Variants in CEP63 observed in about 807,000 individuals in gnomAD.
CEP63 encodes centrosomal protein 63, also known as centrosomal protein of 63 kDa.
In CEP63, 84 loss-of-function variants were observed where a neutral mutation model predicts 89.1. That is an observed-to-expected ratio of 0.94 (90% CI 0.79 to 1.13). CEP63 has a LOEUF of 1.13. Among genes scored for constraint, CEP63 ranks in the 50% most tolerant of loss-of-function variants. The pLI is 0.00. For synonymous variants in CEP63, 267 were observed against 272.5 expected (o/e 0.98, Z 0.20); for missense variants, 838 against 813.3 (o/e 1.03, Z -0.37).
the CEP63 span, among the ~76,000 whole-genome samples, chr3:134,703,780 A>C: frequency 6.6e-6 from 1 of 152,218 alleles, no homozygotes; most frequent in African/African-American, 2.4e-5. Context: ...TGAACCCCTG[A>C]ACTTAAAAGT....
rs1559962518 is a variant in CEP63 at position 134,532,893 on chromosome 3, A to C, written c.434A>C (p.Lys145Thr). The change falls in exon 5 of 15, where the codon AAA becomes ACA. Residue 145 changes from lysine to threonine, a missense_variant. By Grantham distance (78) the Lys-to-Thr change is moderately conservative. Coordinates refer to ENST00000675561, the MANE Select transcript of CEP63 (RefSeq NM_001353108.3). The part of the protein sequence containing the change: ...DRSEIERLTA[K>T]IEEFRQKSLD... ...TCTGAAATTGAGAGGTTAACTGCAA[A>C]AATAGAGGTATGTTCATAGTAATAA... The C allele has an allele frequency of 3.1e-6, 5 of 1,613,656 alleles. No individual in the cohort carries two copies. Among genetic ancestry groups the C allele is most frequent in the Non-Finnish European group, 3.4e-6 (4 of 1,179,730 alleles).
At chr3:134,616,583 G>T in the CEP63 span, among the ~76,000 whole-genome samples, 4 of 152,296 alleles carry the variant, frequency 2.6e-5, no homozygotes, top group African/African-American at 9.6e-5. Context: ...CACATCTCAG[G>T]CAGTGTGAGG....
intron 1 of CEP63, 32 bp downstream of exon 1, chr3:134,486,234 C>T (rs1474577355): frequency 3.0e-6 from 3 of 985,426 alleles, no homozygotes; most frequent in Non-Finnish European, 3.6e-6. Flanking sequence ...GGCGTGCTTG[C>T]GGCAACCCTG....
rs754689941 is a variant in CEP63 at position 134,545,638 on chromosome 3, A to G, written c.608A>G (p.Gln203Arg). The G allele has an allele frequency of 6.2e-7, 1 of 1,614,168 alleles. No individual in the cohort carries two copies. Among genetic ancestry groups the G allele is most frequent in the Non-Finnish European group, 8.5e-7 (1 of 1,180,014 alleles). The change falls in exon 7 of 15, where the codon CAA becomes CGA. Residue 203 changes from glutamine (Q) to arginine (R), a missense_variant. Coordinates refer to ENST00000675561, the MANE Select transcript of CEP63 (RefSeq NM_001353108.3). ...TTAGAGTCTGTGGAACTTTCTAGCC[A>G]ATCAGAAATTCAACACTTAAGCAGT... is the stretch of plus-strand genomic sequence containing the variant. ...QKLESVELSS[Q>R]SEIQHLSSKL...
chr3:134,493,546 C>T (rs1241733565), intron 1 of CEP63, among the ~76,000 whole-genome samples: 2 of 151,968 alleles, frequency 1.3e-5, no homozygotes, highest in African/African-American at 4.8e-5. Context: ...GAAAAAAAAT[C>T]CTCCCTGTCA....
intron 1 of CEP63, 87 bp from the exon 2 acceptor site, chr3:134,495,209 C>T (rs1939382760): frequency 2.1e-6 from 2 of 943,196 alleles, no homozygotes; most frequent in Non-Finnish European, 3.5e-6. Flanking sequence ...ATTATGTATG[C>T]TTTCATTCAC....
chr3:134,621,719 C>T, the CEP63 span, among the ~76,000 whole-genome samples: 1 of 152,098 alleles, frequency 6.6e-6, no homozygotes, highest in Non-Finnish European at 1.5e-5. Context: ...GATAAAAGGG[C>T]ATTCGTGAAA....
chr3:134,635,262 C>A, the CEP63 span, among the ~76,000 whole-genome samples: 1 of 151,962 alleles, frequency 6.6e-6, no homozygotes, highest in East Asian at 1.9e-4. Context: ...TTTGGGAGGC[C>A]GAGGTGGGTG....
chr3:134,559,374 A>T lies in CEP63; in HGVS notation c.1898A>T (p.Asn633Ile), dbSNP rs984044087. The change falls in exon 14 of 15, where the codon AAT (asparagine) becomes ATT (isoleucine). Residue 633 changes from asparagine to isoleucine, a missense_variant. Physicochemically the swap from Asn to Ile is moderately radical, Grantham distance 149 (BLOSUM62 -3). Transcript: ENST00000675561. ...TCAGCGCTAGATACAAATGAAGCCAATTTTTCTGACACTATGTCTGAGAGT... is the reference window on the plus strand; with the variant it reads ...TCAGCGCTAGATACAAATGAAGCCATTTTTTCTGACACTATGTCTGAGAGT... The part of the protein sequence containing the change: ...LPSALDTNEA[N>I]FSDTMSESMN... The T allele has an allele frequency of 1.2e-6, 2 of 1,614,006 alleles. No homozygotes were observed. The highest frequency in any genetic ancestry group is 3.3e-5 in the Admixed American group (2 of 60,022).
At chr3:134,486,635 G>C (rs888496261) in intron 1 of CEP63, 1 of 764,270 alleles carries the variant, frequency 1.3e-6, no homozygotes, top group Non-Finnish European at 1.6e-6. Flanking sequence ...CCCCAGTGCG[G>C]CCTCCCTGCC....
the CEP63 span, among the ~76,000 whole-genome samples, chr3:134,780,084 A>G: frequency 6.6e-6 from 1 of 152,004 alleles, no homozygotes; most frequent in African/African-American, 2.4e-5. Context: ...AACCCTAGCT[A>G]TTGTCTGACT....
Position 134,544,727 on chromosome 3 carries a change from A to G in CEP63, c.556-859A>G, listed in dbSNP as rs200419258. 3.3e-5 allele frequency among the ~76,000 whole-genome samples: 5 copies of G among 152,080 alleles called. No homozygotes were observed. The East Asian group carries it at 7.7e-4, about 23-fold the overall frequency. ...AATATAATAATGCATTATAGTTCCT[A>G]TTTCCTATGTTTTAAATAGGAAATA... On this transcript the variant is annotated intron_variant, in intron 6 of 14. Transcript: ENST00000675561.
In CEP63 at chr3:134,562,729, A is replaced by T. The variant is rs140238056; in HGVS notation, c.*1194A>T. 6.6e-6 allele frequency: 1 copy of T among 152,396 alleles called. No homozygotes were observed. The highest frequency in any genetic ancestry group is 1.5e-5 in the Non-Finnish European group (1 of 68,172). 9.4% of individuals were successfully genotyped at this position (152,396 alleles called of 1,614,324 possible). A position where few individuals can be genotyped will look rare whatever the true frequency, so the allele number is the denominator to read the frequency against. On this transcript the variant is annotated 3_prime_UTR_variant, in exon 15 of 15. Transcript: ENST00000675561. ...TTTCTTGCTCTTGAGTTCACCAGTG[A>T]CCTAATCAGTGTCTGAGCATCATTC...
chr3:134,701,233 T>TACACATATATAC, the CEP63 span, among the ~76,000 whole-genome samples: 2 of 144,386 alleles, frequency 1.4e-5, no homozygotes, highest in South Asian at 4.4e-4. Flanking sequence ...TATATACGTA[T>TACACATATATAC]ATATACACAC....
intron 12 of CEP63, chr3:134,553,236 A>C (rs970509249): frequency 6.6e-6 from 1 of 152,144 alleles, no homozygotes; most frequent in South Asian, 2.1e-4. Context: ...CATGCAAAAG[A>C]CTATTATAGA....
chr3:134,755,234 AGC>A, the CEP63 span, among the ~76,000 whole-genome samples: 13 of 2,954 alleles, frequency 4.4e-3, no homozygotes, highest in Non-Finnish European at 0.12. Flanking sequence ...CTGAACCCTG[AGC>A]CCTGAGCCCT....
intron 5 of CEP63, chr3:134,536,092 C>G (rs1242351557): frequency 6.6e-6 from 1 of 152,164 alleles, no homozygotes; most frequent in Non-Finnish European, 1.5e-5. Flanking sequence ...CCTCATCTCC[C>G]TAGGTGTTTA....
chr3:134,699,200 T>G, the CEP63 span, among the ~76,000 whole-genome samples: 1 of 152,226 alleles, frequency 6.6e-6, no homozygotes, highest in South Asian at 2.1e-4. Flanking sequence ...TAGCACCATT[T>G]TAACACATTA....
At chr3:134,592,559 G>T (rs930355826), downstream of CEP63, among the ~76,000 whole-genome samples, 1 of 146,096 alleles carries the variant, frequency 6.8e-6, no homozygotes, top group Non-Finnish European at 1.5e-5. Flanking sequence ...GGGCAAATGG[G>T]GTGCTGGTCT....
Sources: gnomAD v4.1 joint callset for allele counts (sites outside exome capture counted in the v4.1 genomes callset) on GRCh38, gnomAD v4.1.1 for gene constraint, MANE v1.5 for transcripts, NCBI Gene and HGNC (gene_info 2026-07-23, HGNC 2026-07-21) for gene names.